Variants in TSPAN9 observed in about 807,000 individuals in gnomAD.
TSPAN9 encodes tetraspanin-9.
TSPAN9 carries 16 observed loss-of-function variants against 31.0 expected under a neutral mutation model. The ratio of observed to expected loss-of-function variants is 0.52; its 90% CI spans 0.35 to 0.78. TSPAN9 has a LOEUF of 0.78. Among genes scored for constraint, TSPAN9 ranks in the 30% least tolerant of loss-of-function variants. The pLI, the probability that TSPAN9 is intolerant of heterozygous loss-of-function variation, is 0.01. For missense variants in TSPAN9, 272 were observed against 312.5 expected, an observed-to-expected ratio of 0.87 and a Z score of 0.98; for synonymous variants, 145 against 121.6, an observed-to-expected ratio of 1.19 and a Z score of -1.27.
chr12:3,133,984 G>T (rs1294208855), intron 2 of TSPAN9, among the ~76,000 whole-genome samples: 1 of 152,194 alleles, frequency 6.6e-6, no homozygotes. Flanking sequence ...AACAGGGTCA[G>T]CGCTTAGGGC....
intron 3 of TSPAN9, among the ~76,000 whole-genome samples, chr12:3,208,432 A>G (rs887267282): frequency 3.9e-5 from 6 of 152,232 alleles, no homozygotes; most frequent in Non-Finnish European, 7.3e-5. Context: ...TGGGCCTCCC[A>G]GAAGGGGCAG....
Position 3,281,771 on chromosome 12 carries a change from A to G in TSPAN9, c.602A>G (p.Asn201Ser), listed in dbSNP as rs1185481090. 6 of 1,614,136 alleles carry G rather than the reference A, an allele frequency of 3.7e-6. No individual in the cohort carries two copies. Among genetic ancestry groups the G allele is most frequent in the East Asian group, 2.2e-5 (1 of 44,864 alleles). ...YEKVKMWFDD[N>S]KHVLGTVGMC... Reference sequence around the variant, plus strand: ...AAGGTGAAGATGTGGTTCGATGACAATAAGCACGTGCTGGGCACGGTGGGG... The same window carrying G: ...AAGGTGAAGATGTGGTTCGATGACAGTAAGCACGTGCTGGGCACGGTGGGG... Residue 201 changes from asparagine to serine, a missense_variant, in exon 8 of 9, where the codon AAT (asparagine) becomes AGT (serine). Asn to Ser is a conservative substitution (Grantham distance 46, BLOSUM62 1). Transcript: ENST00000011898.
intron 2 of TSPAN9, among the ~76,000 whole-genome samples, chr12:3,115,950 C>CT (rs1282418019): frequency 6.6e-6 from 1 of 152,182 alleles, no homozygotes; most frequent in Non-Finnish European, 1.5e-5. Flanking sequence ...TGCAGACAAC[C>CT]TTTATTTTTA....
At chr12:3,095,830 G>A (rs541387103) in intron 2 of TSPAN9, among the ~76,000 whole-genome samples, 306 of 146,082 alleles carry the variant, frequency 2.1e-3, no homozygotes, top group Non-Finnish European at 2.9e-3. Flanking sequence ...CGGCCGGGCG[G>A]AGACGCTCCT....
rs370338109 is a variant in TSPAN9, at chr12:3,269,208, G to C, written c.64-9213G>C. Among the ~76,000 whole-genome samples the C allele has an allele frequency of 8.9e-5, 7 of 78,358 alleles. No individual in the cohort carries two copies. In the East Asian group the frequency reaches 2.1e-3, roughly 23 times the overall value. The allele number at this position is 78,358 out of a possible 152,430, so 51.4% of individuals were successfully genotyped here. ...TGTTTTTCCAGCCTGCCCTCTCTGT[G>C]TTCCTGCAGCCTGCCCTCTCTGTGT... On this transcript the variant is annotated intron_variant, in intron 3 of 8. Transcript: ENST00000011898.
chr12:3,138,191 G>GC (rs1015719080), intron 2 of TSPAN9, among the ~76,000 whole-genome samples: 1 of 152,220 alleles, frequency 6.6e-6, no homozygotes, highest in Admixed American at 6.5e-5. Flanking sequence ...CCCTGGGCTG[G>GC]CCCCTCTGCC....
intron 2 of TSPAN9, among the ~76,000 whole-genome samples, chr12:3,139,388 G>A (rs1195402163): frequency 6.6e-6 from 1 of 152,022 alleles, no homozygotes; most frequent in Non-Finnish European, 1.5e-5. Flanking sequence ...CACCCTGCCA[G>A]TGGCCAGCCT....
intron 3 of TSPAN9, among the ~76,000 whole-genome samples, chr12:3,214,699 C>G (rs907440176): frequency 6.6e-6 from 1 of 152,132 alleles, no homozygotes; most frequent in South Asian, 2.1e-4. Context: ...CCTTCACGCC[C>G]TCTAAGCAGG....
chr12:3,252,773 C>T (rs914710941), intron 3 of TSPAN9, among the ~76,000 whole-genome samples: 2 of 152,224 alleles, frequency 1.3e-5, no homozygotes. Context: ...AGAGGTGCCT[C>T]TCAGGCTAAG....
rs548592775 is a variant in TSPAN9 at position 3,174,839 on chromosome 12, C to T, written c.-17-26338C>T. Among the ~76,000 whole-genome samples, 621 of 151,896 alleles carry T rather than the reference C, an allele frequency of 4.1e-3. 2 individuals carry two copies. Among genetic ancestry groups the T allele is most frequent in the African/African-American group, 0.014 (599 of 41,474 alleles). ...CCTCGTGATCCTCCCGCCTCGGCCTCCCAAAGTGCTGGGATTACAGGCGTG... is the reference window on the plus strand; with the variant it reads ...CCTCGTGATCCTCCCGCCTCGGCCTTCCAAAGTGCTGGGATTACAGGCGTG... On this transcript the variant is annotated intron_variant, in intron 2 of 8. Transcript: ENST00000011898.
intron 2 of TSPAN9, among the ~76,000 whole-genome samples, chr12:3,128,566 C>A (rs2098328361): frequency 6.6e-6 from 1 of 152,104 alleles, no homozygotes; most frequent in South Asian, 2.1e-4. Context: ...TCAACCCCTG[C>A]CCCAACAAAA....
intron 3 of TSPAN9, among the ~76,000 whole-genome samples, chr12:3,260,410 A>T (rs1274938874): frequency 6.6e-6 from 1 of 152,144 alleles, no homozygotes; most frequent in East Asian, 1.9e-4. Context: ...ATTTGTAGGG[A>T]TGGGGCTTGA....
chr12:3,136,761 G>A (rs983233751), intron 2 of TSPAN9, among the ~76,000 whole-genome samples: 2 of 152,186 alleles, frequency 1.3e-5, no homozygotes, highest in African/African-American at 2.4e-5. Flanking sequence ...GGAGCTGGAG[G>A]GAGAGAGTGT....
chr12:3,121,350 G>T (rs992122085), intron 2 of TSPAN9, among the ~76,000 whole-genome samples: 1 of 124,174 alleles, frequency 8.1e-6, no homozygotes. Flanking sequence ...AGGGGATGTT[G>T]GCTTTTTTTT....
intron 3 of TSPAN9, among the ~76,000 whole-genome samples, chr12:3,218,897 A>AT (rs1326332745): frequency 6.6e-6 from 1 of 152,186 alleles, no homozygotes; most frequent in Non-Finnish European, 1.5e-5. Context: ...ATCCTCTGGA[A>AT]TATAGCTGGA....
At chr12:3,119,920 TG>T (rs2098324298) in intron 2 of TSPAN9, among the ~76,000 whole-genome samples, 1 of 152,156 alleles carries the variant, frequency 6.6e-6, no homozygotes, top group Non-Finnish European at 1.5e-5. Context: ...AGTCTGGTGT[TG>T]CTCCACATGG....
At chr12:3,112,068 G>T (rs2098319063) in intron 2 of TSPAN9, among the ~76,000 whole-genome samples, 1 of 151,378 alleles carries the variant, frequency 6.6e-6, no homozygotes, top group African/African-American at 2.4e-5. Context: ...AATATTTATT[G>T]TCTAGGAATT....
At chr12:3,224,523 C>A (rs544468079) in intron 3 of TSPAN9, among the ~76,000 whole-genome samples, 1 of 152,170 alleles carries the variant, frequency 6.6e-6, no homozygotes, top group African/African-American at 2.4e-5. Context: ...GAATCAGGAC[C>A]CAGGCCTGGC....
At chr12:3,256,466 G>T (rs1164004677) in intron 3 of TSPAN9, among the ~76,000 whole-genome samples, 2 of 152,240 alleles carry the variant, frequency 1.3e-5, no homozygotes, top group African/African-American at 4.8e-5. Flanking sequence ...GGAGGTGTCT[G>T]GTTCCCCCCA....
Sources: allele counts gnomAD v4.1 joint callset (sites outside exome capture counted in the v4.1 genomes callset), GRCh38; gene constraint gnomAD v4.1.1; transcripts MANE v1.5; gene names NCBI Gene and HGNC (gene_info 2026-07-23, HGNC 2026-07-21).